Variants in FAM222B observed in about 807,000 individuals in gnomAD.
FAM222B encodes protein FAM222B.
FAM222B carries 12 observed loss-of-function variants against 38.0 expected under a neutral mutation model. The ratio of observed to expected loss-of-function variants is 0.32; its 90% CI spans 0.20 to 0.51. The LOEUF is 0.51. Among genes scored for constraint, FAM222B ranks in the 20% least tolerant of loss-of-function variants. The pLI is 0.97. For missense variants in FAM222B, 716 were observed against 754.2 expected, an observed-to-expected ratio of 0.95 and a Z score of 0.59; for synonymous variants, 329 against 317.2, an observed-to-expected ratio of 1.04 and a Z score of -0.40.
At chr17:28,795,342 G>A (rs1051855382) in intron 1 of FAM222B, among the ~76,000 whole-genome samples, 1 of 151,942 alleles carries the variant, frequency 6.6e-6, no homozygotes, top group Non-Finnish European at 1.5e-5. Context: ...ACAGGGTTTC[G>A]CCGTGTTGGG....
chr17:28,820,539 A>C (rs887684480), intron 1 of FAM222B, among the ~76,000 whole-genome samples: 1 of 152,206 alleles, frequency 6.6e-6, no homozygotes, highest in African/African-American at 2.4e-5. Flanking sequence ...TATAGACACA[A>C]TAAGTCACTC....
rs2151747486 is a variant in FAM222B at position 28,756,943 on chromosome 17, A to G, written c.*1327T>C. ...AGGGCTTATTTCATCTGTAAAAAAT[A>G]AAAAAGCCCAATTCTGCATCTTTAA... On this transcript the variant is annotated 3_prime_UTR_variant, in exon 3 of 3. Coordinates refer to ENST00000581407, the MANE Select transcript of FAM222B (RefSeq NM_001077498.3). 6.6e-6 allele frequency: 1 copy of G among 152,560 alleles called. No individual in the cohort carries two copies. The highest frequency in any genetic ancestry group is 1.5e-5 in the Non-Finnish European group (1 of 68,028). 9.5% of individuals were successfully genotyped at this position (152,560 alleles called of 1,614,324 possible). A position where few individuals can be genotyped will look rare whatever the true frequency, so the allele number is the denominator to read the frequency against.
chr17:28,808,045 A>G (rs1377126730), intron 1 of FAM222B, among the ~76,000 whole-genome samples: 1 of 152,206 alleles, frequency 6.6e-6, no homozygotes, highest in East Asian at 1.9e-4. Context: ...CTCTGAGGAT[A>G]ATCTCCCTCA....
rs970590614 is a variant in FAM222B at position 28,757,167 on chromosome 17, G to A, written c.*1103C>T. ...CCAGGTGTTAGAACCATGCTCATTT[G>A]GTAAAGGAAGTACTCAAAGAGCTTA... is the stretch of plus-strand genomic sequence containing the variant. On this transcript the variant is annotated 3_prime_UTR_variant, in exon 3 of 3. Transcript: ENST00000581407. 3 of 152,536 alleles carry A rather than the reference G, an allele frequency of 2.0e-5. No homozygotes were observed. Among genetic ancestry groups the A allele is most frequent in the East Asian group, 3.8e-4 (2 of 5,202 alleles). 9.4% of individuals were successfully genotyped at this position (152,536 alleles called of 1,614,324 possible). A position where few individuals can be genotyped will look rare whatever the true frequency, so the allele number is the denominator to read the frequency against.
rs189602677 is a variant in FAM222B at position 28,840,877 on chromosome 17, C to T, written c.-41+1805G>A. On this transcript the variant is annotated intron_variant, in intron 1 of 2. Coordinates refer to ENST00000581407, the MANE Select transcript of FAM222B (RefSeq NM_001077498.3). ...TAGGGAGGCTGAGGCAGGAGAATTG[C>T]TTGAACCCAGGAGGCGGAGGTTGCA... is the stretch of plus-strand genomic sequence containing the variant. Among the ~76,000 whole-genome samples, 398 of 152,166 alleles carry T rather than the reference C, an allele frequency of 2.6e-3. 1 individual carries two copies. The highest frequency in any genetic ancestry group is 4.1e-3 in the Admixed American group (62 of 15,266).
At chr17:28,793,782 G>A (rs1344627028) in intron 1 of FAM222B, among the ~76,000 whole-genome samples, 2 of 122,174 alleles carry the variant, frequency 1.6e-5, no homozygotes, top group Non-Finnish European at 3.3e-5. Context: ...TTTCACTCTT[G>A]TTGCCCAGGC....
At chr17:28,774,292 A>G (rs1002784392) in intron 1 of FAM222B, among the ~76,000 whole-genome samples, 6 of 152,056 alleles carry the variant, frequency 3.9e-5, no homozygotes, top group African/African-American at 1.4e-4. Flanking sequence ...TCAGAATGCA[A>G]CTCTTAACTG....
In FAM222B at chr17:28,789,274, T is replaced by C. The variant is rs955172565; in HGVS notation, c.-40-22567A>G. Among the ~76,000 whole-genome samples the C allele has an allele frequency of 4.2e-4, 63 of 151,226 alleles. 1 individual carries two copies. Among genetic ancestry groups the C allele is most frequent in the South Asian group, 4.2e-4 (2 of 4,776 alleles). ...TGTGCAGTGGCGGAATCTCAGCTCA[T>C]TGCAACCTCTACCTCCTGGGTTCAA... On this transcript the variant is annotated intron_variant, in intron 1 of 2. Coordinates refer to ENST00000581407, the MANE Select transcript of FAM222B (RefSeq NM_001077498.3).
In FAM222B at chr17:28,802,534, A is replaced by T. The variant is rs149048680; in HGVS notation, c.-40-35827T>A. 767 of 156,500 alleles carry T rather than the reference A, an allele frequency of 4.9e-3. 14 individuals are homozygous for T. Among genetic ancestry groups the T allele is most frequent in the Admixed American group, 0.026 (396 of 15,378 alleles). 9.7% of individuals were successfully genotyped at this position (156,500 alleles called of 1,614,324 possible). ...CCAAGAATACACTATTGAGATTCAC[A>T]AGTGCATTCATGGAGTGAGCCTCTA... On this transcript the variant is annotated intron_variant, in intron 1 of 2. Coordinates refer to ENST00000581407, the MANE Select transcript of FAM222B (RefSeq NM_001077498.3).
chr17:28,788,380 A>T (rs1365857773), intron 1 of FAM222B, among the ~76,000 whole-genome samples: 4 of 152,182 alleles, frequency 2.6e-5, no homozygotes, highest in Non-Finnish European at 5.9e-5. Flanking sequence ...CTGGGATTAT[A>T]GGTGCACACC....
chr17:28,760,288 G>A (rs2151760472), intron 2 of FAM222B, among the ~76,000 whole-genome samples: 1 of 152,220 alleles, frequency 6.6e-6, no homozygotes, highest in Admixed American at 6.5e-5. Flanking sequence ...CAGAAATTCA[G>A]GGTCGCTGGG....
intron 1 of FAM222B, among the ~76,000 whole-genome samples, chr17:28,805,276 G>C (rs552368316): frequency 6.6e-6 from 1 of 152,074 alleles, no homozygotes; most frequent in African/African-American, 2.4e-5. Context: ...GCCGGGCATG[G>C]TGGCTCACAC....
chr17:28,800,886 G>A (rs1025225185), intron 1 of FAM222B, among the ~76,000 whole-genome samples: 3 of 148,326 alleles, frequency 2.0e-5, no homozygotes, highest in Admixed American at 1.3e-4. Flanking sequence ...TTGGCCAGGC[G>A]CGGTGGCTCA....
intron 1 of FAM222B, among the ~76,000 whole-genome samples, chr17:28,779,663 A>G (rs960030771): frequency 6.6e-6 from 1 of 151,946 alleles, no homozygotes; most frequent in African/African-American, 2.4e-5. Context: ...AGGCAGGAGA[A>G]TGGCGTGAAC....
chr17:28,795,275 G>A (rs1031414468), intron 1 of FAM222B, among the ~76,000 whole-genome samples: 8 of 152,128 alleles, frequency 5.3e-5, no homozygotes, highest in African/African-American at 1.9e-4. Flanking sequence ...CTGCCAAGTA[G>A]ATGGGATTAC....
chr17:28,821,831 G>A (rs1013586161), intron 1 of FAM222B, among the ~76,000 whole-genome samples: 3 of 151,486 alleles, frequency 2.0e-5, no homozygotes, highest in African/African-American at 7.3e-5. Context: ...GCGTGGTGGC[G>A]CATGCCTGTA....
At chr17:28,784,820 G>A (rs1020041120) in intron 1 of FAM222B, among the ~76,000 whole-genome samples, 6 of 152,040 alleles carry the variant, frequency 3.9e-5, no homozygotes, top group Admixed American at 6.6e-5. Flanking sequence ...CGTGAAACAC[G>A]GCTCATTGAA....
At chr17:28,828,909 T>G (rs1213909863) in intron 1 of FAM222B, among the ~76,000 whole-genome samples, 3 of 152,112 alleles carry the variant, frequency 2.0e-5, no homozygotes, top group African/African-American at 7.2e-5. Context: ...CTCTACTTTT[T>G]TTTTTTTTTA....
intron 2 of FAM222B, among the ~76,000 whole-genome samples, chr17:28,765,140 T>C (rs1026110561): frequency 1.3e-5 from 2 of 152,230 alleles, no homozygotes; most frequent in African/African-American, 2.4e-5. Context: ...TCAGCTGTTA[T>C]TACATAGAGC....
Sources: allele counts gnomAD v4.1 joint callset (sites outside exome capture counted in the v4.1 genomes callset), GRCh38; gene constraint gnomAD v4.1.1; transcripts MANE v1.5; gene names NCBI Gene and HGNC (gene_info 2026-07-23, HGNC 2026-07-21).